The following OPCML variants were observed in gnomAD, a reference collection of about 807,000 sequenced individuals.
OPCML encodes opioid binding protein/cell adhesion molecule like, also known as opioid-binding protein/cell adhesion molecule.
A neutral mutation model predicts 37.8 loss-of-function variants in OPCML; 13 were observed. That is an observed-to-expected ratio of 0.34 (90% CI 0.22 to 0.55). The LOEUF (loss-of-function observed/expected upper bound fraction) is 0.55. Among genes scored for constraint, OPCML ranks in the 20% least tolerant of loss-of-function variants. The pLI, the probability that OPCML is intolerant of heterozygous loss-of-function variation, is 0.91. For missense variants in OPCML, 341 were observed against 435.6 expected, an observed-to-expected ratio of 0.78 and a Z score of 1.93; for synonymous variants, 176 against 168.8, an observed-to-expected ratio of 1.04 and a Z score of -0.33.
intron 1 of OPCML, among the ~76,000 whole-genome samples, chr11:133,470,434 G>A (rs1355451488): frequency 1.3e-5 from 2 of 152,182 alleles, no homozygotes; most frequent in African/African-American, 4.8e-5. Flanking sequence ...ACCAGAGGGT[G>A]GAAAAGCCTC....
chr11:133,296,897 T>A (rs940308240), intron 1 of OPCML, among the ~76,000 whole-genome samples: 1 of 152,112 alleles, frequency 6.6e-6, no homozygotes, highest in African/African-American at 2.4e-5. Flanking sequence ...CGTACAGAGG[T>A]AAAATAATAG....
intron 1 of OPCML, among the ~76,000 whole-genome samples, chr11:133,323,359 G>A (rs979388123): frequency 7.9e-5 from 12 of 152,298 alleles, no homozygotes; most frequent in South Asian, 4.1e-4. Context: ...TAGGACAAAG[G>A]TGATGAAATC....
chr11:132,797,536 T>A (rs1451751503), intron 2 of OPCML, among the ~76,000 whole-genome samples: 1 of 152,172 alleles, frequency 6.6e-6, no homozygotes, highest in Non-Finnish European at 1.5e-5. Flanking sequence ...ATAAAGCGAG[T>A]CATATAAACA....
chr11:132,670,814 T>C (rs1234886837), intron 2 of OPCML, among the ~76,000 whole-genome samples: 1 of 152,206 alleles, frequency 6.6e-6, no homozygotes, highest in Non-Finnish European at 1.5e-5. Context: ...ACATAATTAC[T>C]TACTACTAAA....
chr11:132,687,597 A>T (rs182111887), intron 2 of OPCML, among the ~76,000 whole-genome samples: 1 of 151,368 alleles, frequency 6.6e-6, no homozygotes, highest in East Asian at 2.0e-4. Flanking sequence ...TCCCTCAAAT[A>T]CTCAGAGAAT....
chr11:132,441,167 T>TTTTTGTTTTTTG (rs1404935001), intron 4 of OPCML, among the ~76,000 whole-genome samples: 3 of 111,012 alleles, frequency 2.7e-5, no homozygotes, highest in African/African-American at 1.1e-4. Context: ...ACTTTTTTGT[T>TTTTTGTTTTTTG]TTTTTTTTTT....
At chr11:133,502,632 G>A (rs1336345876) in intron 1 of OPCML, among the ~76,000 whole-genome samples, 4 of 152,216 alleles carry the variant, frequency 2.6e-5, no homozygotes, top group Non-Finnish European at 4.4e-5. Flanking sequence ...AAATGATCAC[G>A]ATTTTCAGGG....
chr11:132,669,470 G>C (rs1196342432), intron 2 of OPCML, among the ~76,000 whole-genome samples: 4 of 152,210 alleles, frequency 2.6e-5, no homozygotes, highest in Non-Finnish European at 5.9e-5. Context: ...CCATTAGCTA[G>C]TGAAGCAGTT....
At chr11:132,745,608 A>AAAGAAAG (rs1565828015) in intron 2 of OPCML, among the ~76,000 whole-genome samples, 14 of 143,710 alleles carry the variant, frequency 9.7e-5, no homozygotes, top group Admixed American at 2.8e-4. Flanking sequence ...AAGAAAGAAA[A>AAAGAAAG]AAAAAGGACA....
At chr11:132,959,118 G>C (rs1946029743) in intron 1 of OPCML, among the ~76,000 whole-genome samples, 1 of 152,240 alleles carries the variant, frequency 6.6e-6, no homozygotes, top group African/African-American at 2.4e-5. Context: ...GTGATTCATG[G>C]AAGGAGGTCA....
intron 1 of OPCML, among the ~76,000 whole-genome samples, chr11:133,232,222 A>G (rs952296232): frequency 6.6e-5 from 10 of 152,086 alleles, no homozygotes; most frequent in African/African-American, 1.4e-4. Context: ...TAGTGTGGGC[A>G]GCTCCGTACT....
chr11:132,968,853 T>C (rs575474586), intron 1 of OPCML, among the ~76,000 whole-genome samples: 1 of 152,284 alleles, frequency 6.6e-6, no homozygotes, highest in South Asian at 2.1e-4. Context: ...CCTTCCCTAT[T>C]AATATGCTTT....
chr11:132,693,312 G>C (rs1020825302), intron 2 of OPCML, among the ~76,000 whole-genome samples: 1 of 152,168 alleles, frequency 6.6e-6, no homozygotes, highest in African/African-American at 2.4e-5. Context: ...GGACCAAAAA[G>C]TATGACCTAT....
chr11:132,619,264 C>G (rs1379018048), intron 3 of OPCML, among the ~76,000 whole-genome samples: 1 of 152,124 alleles, frequency 6.6e-6, no homozygotes, highest in East Asian at 1.9e-4. Flanking sequence ...TCATAGCACT[C>G]CCCATTTCTT....
chr11:132,717,727 T>A (rs1944543034), intron 2 of OPCML, among the ~76,000 whole-genome samples: 3 of 152,168 alleles, frequency 2.0e-5, no homozygotes, highest in South Asian at 4.1e-4. Context: ...TGTATCTAGT[T>A]GAAAGGTAAG....
At chr11:133,063,729 T>G (rs928126049) in intron 1 of OPCML, among the ~76,000 whole-genome samples, 2 of 152,128 alleles carry the variant, frequency 1.3e-5, no homozygotes, top group African/African-American at 4.8e-5. Flanking sequence ...GTCCTGGTAA[T>G]TTTTGTATTT....
At chr11:133,273,665 G>C (rs900563771) in intron 1 of OPCML, among the ~76,000 whole-genome samples, 5 of 152,176 alleles carry the variant, frequency 3.3e-5, no homozygotes, top group South Asian at 2.1e-4. Context: ...AGAAGCTGAA[G>C]AGAGATGGCC....
At chr11:133,103,805 G>A (rs1949119691) in intron 1 of OPCML, among the ~76,000 whole-genome samples, 1 of 152,292 alleles carries the variant, frequency 6.6e-6, no homozygotes, top group South Asian at 2.1e-4. Context: ...CTGTCCAAAT[G>A]TTCAATCGAG....
intron 2 of OPCML, among the ~76,000 whole-genome samples, chr11:132,686,564 T>C (rs557837936): frequency 3.3e-5 from 5 of 152,234 alleles, no homozygotes; most frequent in Non-Finnish European, 7.3e-5. Context: ...TTTCAGTTTA[T>C]GGCCAGCACA....
Sources: allele counts gnomAD v4.1 joint callset (sites outside exome capture counted in the v4.1 genomes callset), GRCh38; gene constraint gnomAD v4.1.1; transcripts MANE v1.5; gene names NCBI Gene and HGNC (gene_info 2026-07-23, HGNC 2026-07-21).